The following WWOX variants were observed in gnomAD, a reference collection of about 807,000 sequenced individuals.
WWOX encodes WW domain-containing oxidoreductase.
A neutral mutation model predicts 46.2 loss-of-function variants in WWOX; 69 were observed. The observed-to-expected ratio is 1.49, with a 90% CI of 1.23 to 1.82. The LOEUF is 1.82. WWOX is among the 40% of genes most tolerant of loss of function. WWOX has a pLI of 0.00. For missense variants in WWOX, 919 were observed against 542.6 expected (o/e 1.69, Z -6.89); for synonymous variants, 359 against 202.6 (o/e 1.77, Z -6.56).
chr16:78,513,404 G>T (rs147265121), intron 8 of WWOX, among the ~76,000 whole-genome samples: 4 of 152,122 alleles, frequency 2.6e-5, no homozygotes, highest in Non-Finnish European at 4.4e-5. Context: ...CTGCCCTGGT[G>T]GGGGAATCAG....
chr16:78,674,058 G>T (rs1490794515), intron 8 of WWOX, among the ~76,000 whole-genome samples: 1 of 152,062 alleles, frequency 6.6e-6, no homozygotes, highest in African/African-American at 2.4e-5. Context: ...GATGGGAACC[G>T]ACTCAAAGAG....
At chr16:78,762,002 T>C (rs2049806413) in intron 8 of WWOX, among the ~76,000 whole-genome samples, 2 of 152,190 alleles carry the variant, frequency 1.3e-5, no homozygotes, top group Admixed American at 6.5e-5. Flanking sequence ...AATCAACAAG[T>C]AAATATCATG....
At chr16:78,387,855 A>T (rs764831380) in intron 6 of WWOX, among the ~76,000 whole-genome samples, 1 of 152,114 alleles carries the variant, frequency 6.6e-6, no homozygotes, top group African/African-American at 2.4e-5. Flanking sequence ...AGGATAAGAT[A>T]ATTACACAAG....
intron 8 of WWOX, among the ~76,000 whole-genome samples, chr16:78,916,062 C>T (rs540956573): frequency 1.3e-5 from 2 of 152,248 alleles, no homozygotes; most frequent in Admixed American, 6.5e-5. Flanking sequence ...AGTGTGCAGA[C>T]ACGATGCTAT....
At chr16:79,138,524 T>G (rs180812983) in intron 8 of WWOX, among the ~76,000 whole-genome samples, 76 of 152,278 alleles carry the variant, frequency 5.0e-4, no homozygotes, top group African/African-American at 1.8e-3. Context: ...ATAGACAGGT[T>G]AGAGAACATG....
intron 8 of WWOX, among the ~76,000 whole-genome samples, chr16:78,586,859 C>T (rs944847805): frequency 6.6e-6 from 1 of 152,130 alleles, no homozygotes; most frequent in African/African-American, 2.4e-5. Flanking sequence ...GTCCAAAAAT[C>T]ATGCCATTAT....
At chr16:78,642,966 T>C (rs1387628633) in intron 8 of WWOX, among the ~76,000 whole-genome samples, 1 of 152,184 alleles carries the variant, frequency 6.6e-6, no homozygotes, top group African/African-American at 2.4e-5. Context: ...TTCCCGGTGA[T>C]TCTCTAAGGA....
chr16:78,786,375 GTTA>G (rs1567558860), intron 8 of WWOX, among the ~76,000 whole-genome samples: 1 of 152,130 alleles, frequency 6.6e-6, no homozygotes, highest in East Asian at 1.9e-4. Flanking sequence ...TGGGGAACAC[GTTA>G]TTATATAGTA....
chr16:78,254,191 G>A (rs920639100), intron 5 of WWOX, among the ~76,000 whole-genome samples: 4 of 151,382 alleles, frequency 2.6e-5, no homozygotes, highest in Admixed American at 1.3e-4. Context: ...CTGCCTGGTA[G>A]GTGGGACTAC....
At chr16:78,721,254 C>CT (rs34089416) in intron 8 of WWOX, among the ~76,000 whole-genome samples, 1 of 151,540 alleles carries the variant, frequency 6.6e-6, no homozygotes, top group African/African-American at 2.4e-5. Context: ...AAAAAAGTAG[C>CT]TTTCATGATG....
At chr16:79,075,528 C>T (rs1456753726) in intron 8 of WWOX, among the ~76,000 whole-genome samples, 2 of 147,538 alleles carry the variant, frequency 1.4e-5, no homozygotes, top group East Asian at 2.0e-4. Context: ...CAACCTCTGG[C>T]GATTTTTCCT....
At position 78,734,834 on chromosome 16, in the gene WWOX, T is replaced by C. The variant is rs548634440; in HGVS notation, c.1056+302082T>C. 1.9e-3 allele frequency among the ~76,000 whole-genome samples: 267 copies of C among 138,964 alleles called. 1 individual carries two copies. The highest frequency in any genetic ancestry group is 6.3e-3 in the African/African-American group (235 of 37,350). The allele number at this position is 138,964 out of a possible 152,430, so 91.2% of individuals were successfully genotyped here. ...TCTGCCTGATGACTCAGGTGGGGAC[T>C]TCAGTCCTTTTTTTTTTTTTTTTTT... is the stretch of plus-strand genomic sequence containing the variant. On this transcript the variant is annotated intron_variant, in intron 8 of 8. Coordinates refer to ENST00000566780, the MANE Select transcript of WWOX (RefSeq NM_016373.4).
chr16:78,447,794 CTATTAT>C (rs1330826799), intron 8 of WWOX, among the ~76,000 whole-genome samples: 1 of 152,048 alleles, frequency 6.6e-6, no homozygotes, highest in Non-Finnish European at 1.5e-5. Flanking sequence ...GCAGAAGAAA[CTATTAT>C]TATTATTTAT....
chr16:78,314,343 T>C (rs373191337), intron 5 of WWOX, among the ~76,000 whole-genome samples: 230 of 144,314 alleles, frequency 1.6e-3, no homozygotes, highest in African/African-American at 5.7e-3. Flanking sequence ...GACGCAGAGG[T>C]TGCAGTGAGC....
At chr16:79,097,178 A>T (rs1310607575) in intron 8 of WWOX, among the ~76,000 whole-genome samples, 1 of 152,126 alleles carries the variant, frequency 6.6e-6, no homozygotes, top group Non-Finnish European at 1.5e-5. Context: ...CAGTGGATTC[A>T]CAGAGAAGTC....
At chr16:78,256,069 G>A (rs538081289) in intron 5 of WWOX, among the ~76,000 whole-genome samples, 16 of 142,172 alleles carry the variant, frequency 1.1e-4, no homozygotes, top group Non-Finnish European at 2.1e-4. Context: ...AGAATCACTC[G>A]AACCCGGGAG....
At chr16:78,859,167 C>A (rs1199335886) in intron 8 of WWOX, among the ~76,000 whole-genome samples, 1 of 150,468 alleles carries the variant, frequency 6.6e-6, no homozygotes, top group Non-Finnish European at 1.5e-5. Context: ...GGGGAGAACC[C>A]TCCACCTTTG....
intron 8 of WWOX, among the ~76,000 whole-genome samples, chr16:78,580,446 C>G (rs894494089): frequency 2.0e-5 from 3 of 152,180 alleles, no homozygotes; most frequent in African/African-American, 7.2e-5. Flanking sequence ...AGGTAAATAA[C>G]CTTGTTGTGG....
At chr16:78,804,180 T>C (rs545448053) in intron 8 of WWOX, among the ~76,000 whole-genome samples, 1 of 152,224 alleles carries the variant, frequency 6.6e-6, no homozygotes, top group African/African-American at 2.4e-5. Flanking sequence ...GGGGGTCCTC[T>C]TGAAGAGCCC....
Sources: gnomAD v4.1 joint callset for allele counts (sites outside exome capture counted in the v4.1 genomes callset) on GRCh38, gnomAD v4.1.1 for gene constraint, MANE v1.5 for transcripts, NCBI Gene and HGNC (gene_info 2026-07-23, HGNC 2026-07-21) for gene names.